PTPN23: variants seen among roughly 807,000 people sequenced by gnomAD.
PTPN23 encodes the protein tyrosine-protein phosphatase non-receptor type 23.
A neutral mutation model predicts 156.3 loss-of-function variants in PTPN23; 72 were observed. The observed-to-expected ratio is 0.46, with a 90% CI of 0.38 to 0.56. PTPN23 has a LOEUF of 0.56. Ranked by LOEUF, PTPN23 falls within the 20% of genes least tolerant of loss-of-function variation. The pLI is 0.00. For missense variants in PTPN23, 1,974 were observed against 2,171.5 expected, an observed-to-expected ratio of 0.91 and a Z score of 1.81; for synonymous variants, 957 against 899.6, an observed-to-expected ratio of 1.06 and a Z score of -1.14.
intron 2 of PTPN23, among the ~76,000 whole-genome samples, chr3:47,402,908 G>A (rs1421349940): frequency 6.6e-6 from 1 of 152,006 alleles, no homozygotes; most frequent in Non-Finnish European, 1.5e-5. Context: ...GTTTCACCAT[G>A]TTGGCCAGGC....
chr3:47,408,074 A>G (rs1019088882), intron 14 of PTPN23, 119 bp downstream of exon 14: 8 of 1,293,618 alleles, frequency 6.2e-6, no homozygotes, highest in African/African-American at 3.0e-5. Context: ...AGGTTTCCCA[A>G]TGCTGCCTTC....
chr3:47,403,114 G>A (rs190863596), intron 2 of PTPN23, among the ~76,000 whole-genome samples: 9 of 151,294 alleles, frequency 5.9e-5, no homozygotes, highest in East Asian at 2.0e-4. Flanking sequence ...GCAGTGGCGC[G>A]ATTTCGGCTC....
intron 14 of PTPN23, 109 bp downstream of exon 14, chr3:47,408,064 A>G (rs1373427982): frequency 7.4e-7 from 1 of 1,350,332 alleles, no homozygotes; most frequent in Non-Finnish European, 1.0e-6. Context: ...CATTCCAAAC[A>G]GGTTTCCCAA....
Position 47,396,133 on chromosome 3 carries a change from C to G in PTPN23, c.85-10C>G. 3 of 1,609,918 alleles carry G rather than the reference C, an allele frequency of 1.9e-6. No homozygotes were observed. Among genetic ancestry groups the G allele is most frequent in the Non-Finnish European group, 2.5e-6 (3 of 1,177,418 alleles). On this transcript the variant is annotated splice_polypyrimidine_tract_variant and intron_variant, in intron 1 of 24. Coordinates refer to ENST00000265562, the MANE Select transcript of PTPN23 (RefSeq NM_015466.4). ...CTCTGCCACTGGCTTATGTTCTTCT[C>G]TCTCTGTAGTTTGTCCTGAAGAATT...
chr3:47,406,027 TCAA>T lies in PTPN23; in HGVS notation c.529_531del (p.Asn177del). 1 of 1,613,044 alleles carries T rather than the reference TCAA, an allele frequency of 6.2e-7. No individual in the cohort carries two copies. Among genetic ancestry groups the T allele is most frequent in the Non-Finnish European group, 8.5e-7 (1 of 1,179,750 alleles). ...GACATGAGCCGCCAGATCCTTACGC[TCAA>T]CGTCAACCTCATGCTGGTGAGGAGG... On this transcript the variant is annotated inframe_deletion, in exon 6 of 25. Transcript: ENST00000265562. This position sits in a 1 kb window ranked among gnomAD's most constrained non-coding sequence, Gnocchi z 5.8.
chr3:47,396,817 G>A (rs562574658), intron 2 of PTPN23, among the ~76,000 whole-genome samples: 1 of 152,154 alleles, frequency 6.6e-6, no homozygotes, highest in South Asian at 2.1e-4. Context: ...CCCCAGCTAC[G>A]CAGGAGTCTG....
chr3:47,406,772 A>G lies in PTPN23; in HGVS notation c.807+22A>G. 1 of 1,612,978 alleles carries G rather than the reference A, an allele frequency of 6.2e-7. No homozygotes were observed. Among genetic ancestry groups the G allele is most frequent in the Non-Finnish European group, 8.5e-7 (1 of 1,179,754 alleles). The stretch of plus-strand genomic sequence containing the variant: ...GCGGGTGAGCTACAGCGAGGAGGGG[A>G]CTGGGGACCAATGGCAGCCTTCAGT... On this transcript the variant is annotated intron_variant, in intron 9 of 24. Coordinates refer to ENST00000265562, the MANE Select transcript of PTPN23 (RefSeq NM_015466.4). This position sits in a 1 kb window ranked among gnomAD's most constrained non-coding sequence, Gnocchi z 5.8.
chr3:47,405,348 C>A lies in PTPN23; in HGVS notation c.364+267C>A, dbSNP rs975162054. 3.6e-6 allele frequency: 2 copies of A among 552,894 alleles called. No homozygotes were observed. Among genetic ancestry groups the A allele is most frequent in the Admixed American group, 6.2e-5 (2 of 32,074 alleles). The allele number at this position is 552,894 out of a possible 1,614,324, so 34.2% of individuals were successfully genotyped here. Reference sequence around the variant, plus strand: ...GCTCTGTCTGGGAGAGAGGGCCTTTCTTCTTTGACTGGACAGCCCCTCCCC... The same window carrying A: ...GCTCTGTCTGGGAGAGAGGGCCTTTATTCTTTGACTGGACAGCCCCTCCCC... On this transcript the variant is annotated intron_variant, in intron 4 of 24. Transcript: ENST00000265562. This position sits in a 1 kb window ranked among gnomAD's most constrained non-coding sequence, Gnocchi z 4.7.
chr3:47,408,620 C>A, intron 15 of PTPN23, 130 bp downstream of exon 15: 1 of 1,428,556 alleles, frequency 7.0e-7, no homozygotes, highest in African/African-American at 1.4e-5. Flanking sequence ...TCCACACCCA[C>A]TCCTCTGAAT....
chr3:47,394,641 G>T (rs904938781), intron 1 of PTPN23, among the ~76,000 whole-genome samples: 1 of 152,172 alleles, frequency 6.6e-6, no homozygotes, highest in Non-Finnish European at 1.5e-5. Flanking sequence ...ACCCGGCCAG[G>T]AACAGGTTGT....
chr3:47,398,495 T>G (rs1704925187), intron 2 of PTPN23, among the ~76,000 whole-genome samples: 1 of 152,078 alleles, frequency 6.6e-6, no homozygotes, highest in African/African-American at 2.4e-5. Context: ...TTTGCTGGGT[T>G]TTTTTGTGTG....
intron 2 of PTPN23, among the ~76,000 whole-genome samples, chr3:47,402,387 C>G (rs1348332312): frequency 6.6e-6 from 1 of 152,118 alleles, no homozygotes; most frequent in Non-Finnish European, 1.5e-5. Flanking sequence ...TCAAGTGATT[C>G]TCCTGCCTCA....
intron 1 of PTPN23, among the ~76,000 whole-genome samples, chr3:47,390,037 C>G (rs1704738833): frequency 6.7e-6 from 1 of 148,206 alleles, no homozygotes; most frequent in Non-Finnish European, 1.5e-5. Flanking sequence ...GGCGCCATTG[C>G]ACTCCAGCCT....
At position 47,410,173 on chromosome 3, in the gene PTPN23, C is replaced by T. The variant is rs374555949; in HGVS notation, c.2375C>T (p.Pro792Leu). 488 of 1,596,608 alleles carry T rather than the reference C, an allele frequency of 3.1e-4. 7 individuals carry two copies. The South Asian group carries it at 5.2e-3, about 17-fold the overall frequency. The stretch of plus-strand genomic sequence containing the variant: ...CCCCACTATCTCTCAGGCCCCTTGC[C>T]CCCTGGTACCTACTCGGGCCCCACC... The part of the protein sequence containing the change: ...PGPHYLSGPL[P>L]PGTYSGPTQL... Residue 792 changes from proline to leucine, a missense_variant, in exon 20 of 25, where the codon CCC (proline) becomes CTC (leucine). This residue lies in a region of PTPN23 where 731 missense variants were observed against 669.1 expected (regional missense o/e 1.09). Coordinates refer to ENST00000265562, the MANE Select transcript of PTPN23 (RefSeq NM_015466.4).
rs1384251390 is a variant in PTPN23, at chr3:47,407,996, A to G, written c.1184+41A>G. 6.2e-7 allele frequency: 1 copy of G among 1,600,310 alleles called. No homozygotes were observed. The highest frequency in any genetic ancestry group is 1.3e-5 in the African/African-American group (1 of 74,578). ...GGGCAGGGAGGCGGAGGCAGGCAGC[A>G]CTTCCCGGGCCTCTGGGGGCCCCAG... On this transcript the variant is annotated intron_variant, in intron 14 of 24. Coordinates refer to ENST00000265562, the MANE Select transcript of PTPN23 (RefSeq NM_015466.4). This position sits in a 1 kb window ranked among gnomAD's most constrained non-coding sequence, Gnocchi z 4.0.
At position 47,406,012 on chromosome 3, in the gene PTPN23, G is replaced by A. The variant is rs780215762; in HGVS notation, c.512G>A (p.Arg171His). 7.2e-5 allele frequency: 116 copies of A among 1,613,264 alleles called. No homozygotes were observed. The highest frequency in any genetic ancestry group is 9.3e-5 in the Non-Finnish European group (110 of 1,179,822). ...FPQAYSVDMS[R>H]QILTLNVNLM... is the part of the protein sequence containing the mutation. ...CAAGCCTACAGCGTCGACATGAGCC[G>A]CCAGATCCTTACGCTCAACGTCAAC... The change falls in exon 6 of 25, where the codon CGC becomes CAC. Residue 171 changes from arginine (R) to histidine (H), a missense_variant. Around this residue, in one of 4 missense-constraint regions of PTPN23, gnomAD observed 726 missense variants for 929.5 expected, o/e 0.78. Transcript: ENST00000265562. The surrounding 1 kb of genome is among the most constrained non-coding windows in gnomAD (Gnocchi z 5.8).
chr3:47,394,320 G>A (rs1001099588), intron 1 of PTPN23, among the ~76,000 whole-genome samples: 78 of 152,194 alleles, frequency 5.1e-4, no homozygotes, highest in African/African-American at 1.8e-3. Context: ...TATGTTGGAG[G>A]CATGTTTGGA....
chr3:47,412,633 G>C lies in PTPN23; in HGVS notation c.4431+6G>C. ...GTGCAAGCATCAGCCAGAAGGTGAG[G>C]AAGGTTCCGTGGAAGCTGCTGGGAG... is the stretch of plus-strand genomic sequence containing the variant. On this transcript the variant is annotated splice_donor_region_variant and intron_variant, in intron 24 of 24. Transcript: ENST00000265562. 1 of 1,612,030 alleles carries C rather than the reference G, an allele frequency of 6.2e-7. No individual in the cohort carries two copies.
chr3:47,385,654 G>A (rs528718511), intron 1 of PTPN23, among the ~76,000 whole-genome samples: 10 of 152,190 alleles, frequency 6.6e-5, no homozygotes. Flanking sequence ...TCTAGTCAGG[G>A]CGACAGAGTG....
Sources: allele counts gnomAD v4.1 joint callset (sites outside exome capture counted in the v4.1 genomes callset), GRCh38; gene constraint gnomAD v4.1.1; regional missense constraint gnomAD v4.1.1; non-coding constraint Gnocchi (gnomAD v3.1); transcripts MANE v1.5; gene names NCBI Gene and HGNC (gene_info 2026-07-23, HGNC 2026-07-21).